Variants in HPGDS observed in about 807,000 individuals in gnomAD.
The protein encoded by HPGDS is GST class-sigma.
Under a neutral mutation model 23.1 loss-of-function variants are expected in HPGDS, and 26 were observed. That is an observed-to-expected ratio of 1.13 (90% CI 0.83 to 1.56). The LOEUF is 1.56. Among genes scored for constraint, HPGDS ranks in the 40% most tolerant of loss-of-function variants. The pLI, the probability that HPGDS is intolerant of heterozygous loss-of-function variation, is 0.00. For synonymous variants in HPGDS, 95 were observed against 77.9 expected, an observed-to-expected ratio of 1.22 and a Z score of -1.16; for missense variants, 268 against 236.4, an observed-to-expected ratio of 1.13 and a Z score of -0.88.
chr4:94,322,560 A>T (rs1168488874), intron 2 of HPGDS, among the ~76,000 whole-genome samples: 1 of 152,134 alleles, frequency 6.6e-6, no homozygotes, highest in South Asian at 2.1e-4. Context: ...AGAGGTGTTT[A>T]TAGTATTCTC....
intron 3 of HPGDS, among the ~76,000 whole-genome samples, chr4:94,311,985 T>G (rs1296977602): frequency 1.3e-5 from 2 of 152,150 alleles, no homozygotes; most frequent in African/African-American, 4.8e-5. Context: ...TGTGGTTATA[T>G]CCCCTTTATC....
At chr4:94,315,382 T>A (rs1269041393) in intron 3 of HPGDS, among the ~76,000 whole-genome samples, 1 of 152,236 alleles carries the variant, frequency 6.6e-6, no homozygotes, top group Non-Finnish European at 1.5e-5. Context: ...TGTACCTATG[T>A]TATAATTTAT....
Position 94,342,182 on chromosome 4 carries a change from G to T in HPGDS, c.-10+613C>A, listed in dbSNP as rs75010196. On this transcript the variant is annotated intron_variant, in intron 1 of 5. Transcript: ENST00000295256. Reference sequence around the variant, plus strand: ...AAATATCAACTAAATGTCATTTTAAGTGACTGTTTCACATTAAAGCCAAAG... The same window carrying T: ...AAATATCAACTAAATGTCATTTTAATTGACTGTTTCACATTAAAGCCAAAG... Among the ~76,000 whole-genome samples, 127 of 150,808 alleles carry T rather than the reference G, an allele frequency of 8.4e-4. 1 individual carries two copies. The East Asian group carries it at 0.024, about 29-fold the overall frequency.
rs374968605 is a variant in HPGDS, at chr4:94,336,189, G to C, written c.-9-1551C>G. On this transcript the variant is annotated intron_variant, in intron 1 of 5. Transcript: ENST00000295256. ...CCACTGCACTCCAGACTGGGCAGCA[G>C]AGTGAGACGCCGTCTCAAAAAAAAA... 1.2e-3 allele frequency among the ~76,000 whole-genome samples: 169 copies of C among 140,974 alleles called. 3 individuals carry two copies. In the Middle Eastern group the frequency reaches 0.018, roughly 15 times the overall value. 92.5% of individuals were successfully genotyped at this position (140,974 alleles called of 152,430 possible).
chr4:94,315,512 A>T (rs1756378893), intron 3 of HPGDS, among the ~76,000 whole-genome samples: 1 of 152,080 alleles, frequency 6.6e-6, no homozygotes, highest in Non-Finnish European at 1.5e-5. Context: ...TCATTTGTTA[A>T]TCATTATTTT....
chr4:94,327,017 G>T (rs1478263444), intron 2 of HPGDS, among the ~76,000 whole-genome samples: 2 of 152,088 alleles, frequency 1.3e-5, no homozygotes, highest in African/African-American at 4.8e-5. Context: ...TTAGGCTGTA[G>T]TTATTAGTGA....
chr4:94,327,829 G>A (rs2126043932), intron 2 of HPGDS, among the ~76,000 whole-genome samples: 1 of 152,306 alleles, frequency 6.6e-6, no homozygotes, highest in Middle Eastern at 3.4e-3. Context: ...GCAGCCCTCT[G>A]GGTTGTTGTG....
At chr4:94,310,592 T>G (rs1756246009) in intron 3 of HPGDS, among the ~76,000 whole-genome samples, 2 of 152,200 alleles carry the variant, frequency 1.3e-5, no homozygotes, top group African/African-American at 4.8e-5. Flanking sequence ...TTGTTCTTTT[T>G]GCTTAGGATT....
At chr4:94,339,742 C>A (rs1045435129) in intron 1 of HPGDS, among the ~76,000 whole-genome samples, 9 of 151,914 alleles carry the variant, frequency 5.9e-5, no homozygotes, top group Admixed American at 3.9e-4. Flanking sequence ...TTGGCTATAT[C>A]CCCACCAGAA....
Position 94,321,749 on chromosome 4 carries a change from C to T in HPGDS, c.134-3784G>A, listed in dbSNP as rs967306334. Among the ~76,000 whole-genome samples, 3 of 152,200 alleles carry T rather than the reference C, an allele frequency of 2.0e-5. No homozygotes were observed. In the East Asian group the frequency reaches 5.8e-4, roughly 29 times the overall value. ...CTTCCTCTCTTCCTAATTGAATAACCTTTATTTCTTTCTCTTGCCTGATTG... is the reference window on the plus strand; with the variant it reads ...CTTCCTCTCTTCCTAATTGAATAACTTTTATTTCTTTCTCTTGCCTGATTG... On this transcript the variant is annotated intron_variant, in intron 2 of 5. Coordinates refer to ENST00000295256, the MANE Select transcript of HPGDS (RefSeq NM_014485.3).
At chr4:94,304,183 T>C (rs1029191197) in intron 4 of HPGDS, among the ~76,000 whole-genome samples, 2 of 152,080 alleles carry the variant, frequency 1.3e-5, no homozygotes, top group Non-Finnish European at 2.9e-5. Flanking sequence ...AAATGACTTT[T>C]AGAGAGGTTC....
At chr4:94,308,950 T>C (rs1347938851) in intron 3 of HPGDS, among the ~76,000 whole-genome samples, 1 of 151,288 alleles carries the variant, frequency 6.6e-6, no homozygotes, top group South Asian at 2.1e-4. Context: ...TATTTCTTTA[T>C]GAAAATACAA....
chr4:94,327,342 T>C (rs892534768), intron 2 of HPGDS, among the ~76,000 whole-genome samples: 1 of 152,036 alleles, frequency 6.6e-6, no homozygotes, highest in Non-Finnish European at 1.5e-5. Flanking sequence ...ACAGGCAAGA[T>C]AGGCTTGTTC....
At position 94,308,632 on chromosome 4, in the gene HPGDS, AC is replaced by A. The variant is rs779327799; in HGVS notation, c.336+1del. 11 of 1,519,394 alleles carry A rather than the reference AC, an allele frequency of 7.2e-6. No homozygotes were observed. Among genetic ancestry groups the A allele is most frequent in the African/African-American group, 1.4e-5 (1 of 72,938 alleles). 94.1% of individuals were successfully genotyped at this position (1,519,394 alleles called of 1,614,324 possible). On this transcript the variant is annotated splice_donor_variant, in intron 4 of 5. Coordinates refer to ENST00000295256, the MANE Select transcript of HPGDS (RefSeq NM_014485.3). LOFTEE classifies it high-confidence loss of function. ...CTAGGAATAGCAAATGGATCACATT[AC>A]TTTCACATCTTGCTTTTTCTCTGCC...
rs201837103 is a variant in HPGDS, at chr4:94,340,260, CCTTTCTTTCTTTCTTTCTTT to C, written c.-10+2515_-10+2534del. On this transcript the variant is annotated intron_variant, in intron 1 of 5. Transcript: ENST00000295256. Reference sequence around the variant, plus strand: ...TGTGAGCCACTGTGCCTGGTCTAAACCTTTCTTTCTTTCTTTCTTTCTTTCTTTCTTTCTTTCTTTCTTTC... The same window carrying C: ...TGTGAGCCACTGTGCCTGGTCTAAACCTTTCTTTCTTTCTTTCTTTCTTTC... Among the ~76,000 whole-genome samples, 63 of 81,514 alleles carry C rather than the reference CCTTTCTTTCTTTCTTTCTTT, an allele frequency of 7.7e-4. 1 individual carries two copies. The Middle Eastern group carries it at 0.022, about 29-fold the overall frequency. The allele number at this position is 81,514 out of a possible 152,430, so 53.5% of individuals were successfully genotyped here. A position where few individuals can be genotyped will look rare whatever the true frequency, so the allele number is the denominator to read the frequency against.
At chr4:94,299,888 C>T (rs149875261) in intron 5 of HPGDS, among the ~76,000 whole-genome samples, 61 of 152,276 alleles carry the variant, frequency 4.0e-4, no homozygotes, top group African/African-American at 1.4e-3. Context: ...GTTTTACTAA[C>T]ATGAGATCTT....
chr4:94,318,314 G>A (rs1191858015), intron 2 of HPGDS, among the ~76,000 whole-genome samples: 1 of 152,146 alleles, frequency 6.6e-6, no homozygotes, highest in Non-Finnish European at 1.5e-5. Flanking sequence ...TAAAATCGTA[G>A]TCTGAGGATT....
intron 2 of HPGDS, among the ~76,000 whole-genome samples, chr4:94,322,704 A>C (rs558133649): frequency 1.2e-4 from 18 of 152,142 alleles, no homozygotes; most frequent in Admixed American, 3.3e-4. Flanking sequence ...TGATCTTTTC[A>C]AAAAATAAGC....
At position 94,299,395 on chromosome 4, in the gene HPGDS, G is replaced by T; in HGVS notation, c.*85C>A. The T allele has an allele frequency of 8.3e-7, 1 of 1,205,178 alleles. No individual in the cohort carries two copies. The highest frequency in any genetic ancestry group is 1.1e-6 in the Non-Finnish European group (1 of 878,144). The allele number at this position is 1,205,178 out of a possible 1,614,324, so 74.7% of individuals were successfully genotyped here. On this transcript the variant is annotated 3_prime_UTR_variant, in exon 6 of 6. Coordinates refer to ENST00000295256, the MANE Select transcript of HPGDS (RefSeq NM_014485.3). Reference sequence around the variant, plus strand: ...AGTGGAGCTGGGGAGGGAGCATGTGGATTATCTGGCAGGCTGATGTAGCTG... The same window carrying T: ...AGTGGAGCTGGGGAGGGAGCATGTGTATTATCTGGCAGGCTGATGTAGCTG...
Sources: allele counts gnomAD v4.1 joint callset (sites outside exome capture counted in the v4.1 genomes callset), GRCh38; gene constraint gnomAD v4.1.1; transcripts MANE v1.5; gene names NCBI Gene and HGNC (gene_info 2026-07-23, HGNC 2026-07-21).